MAN1A1: variants seen among roughly 807,000 people sequenced by gnomAD.
MAN1A1 encodes the protein mannosidase alpha class 1A member 1.
Under a neutral mutation model 70.8 loss-of-function variants are expected in MAN1A1, and 29 were observed. That is an observed-to-expected ratio of 0.41 (90% confidence interval 0.31 to 0.56). The LOEUF is 0.56. Among genes scored for constraint, MAN1A1 ranks in the 20% least tolerant of loss-of-function variants. The pLI, the probability that MAN1A1 is intolerant of heterozygous loss-of-function variation, is 0.29. For synonymous variants in MAN1A1, 349 were observed against 330.1 expected (o/e 1.06, Z -0.62); for missense variants, 747 against 841.3 (o/e 0.89, Z 1.39).
intron 5 of MAN1A1, among the ~76,000 whole-genome samples, chr6:119,264,570 G>GT (rs1234783266): frequency 6.6e-5 from 10 of 152,108 alleles, no homozygotes; most frequent in Non-Finnish European, 1.2e-4. Context: ...GCATAATTTT[G>GT]TTTTTTATGT....
intron 6 of MAN1A1, among the ~76,000 whole-genome samples, chr6:119,238,132 T>C (rs1383271926): frequency 2.6e-5 from 4 of 152,180 alleles, no homozygotes; most frequent in Non-Finnish European, 5.9e-5. Flanking sequence ...CATTTTTCAA[T>C]GTATAAAAAG....
At chr6:119,245,641 A>T (rs1775149987) in intron 6 of MAN1A1, among the ~76,000 whole-genome samples, 1 of 152,206 alleles carries the variant, frequency 6.6e-6, no homozygotes, top group Middle Eastern at 3.4e-3. Flanking sequence ...TTATTGTGTG[A>T]ATTTGGGTAA....
intron 12 of MAN1A1, among the ~76,000 whole-genome samples, 180 bp from the exon 13 acceptor site, chr6:119,180,125 A>G (rs3734383): frequency 0.17 from 26,378 of 152,142 alleles, 2,731 homozygotes; most frequent in East Asian, 0.3. Flanking sequence ...GCAGCTACTC[A>G]GTGCTTTGGT....
chr6:119,296,203 C>T (rs753575113), intron 4 of MAN1A1, among the ~76,000 whole-genome samples: 7 of 152,168 alleles, frequency 4.6e-5, no homozygotes, highest in Non-Finnish European at 8.8e-5. Context: ...TGACAAATCT[C>T]TTAAGACTGC....
intron 11 of MAN1A1, among the ~76,000 whole-genome samples, chr6:119,186,040 G>A (rs1773282781): frequency 6.6e-6 from 1 of 152,032 alleles, no homozygotes; most frequent in African/African-American, 2.4e-5. Context: ...GGCAGAACCT[G>A]CTGTCTTCGG....
At chr6:119,273,484 C>T (rs1775979008) in intron 5 of MAN1A1, among the ~76,000 whole-genome samples, 1 of 152,122 alleles carries the variant, frequency 6.6e-6, no homozygotes, top group African/African-American at 2.4e-5. Context: ...GTGAGCATTC[C>T]ATGATCTGCT....
intron 6 of MAN1A1, among the ~76,000 whole-genome samples, chr6:119,211,421 T>C (rs183450636): frequency 6.6e-6 from 1 of 152,362 alleles, no homozygotes; most frequent in East Asian, 1.9e-4. Context: ...CACGCACATG[T>C]TTTATCCCAA....
At chr6:119,266,665 G>C (rs1192550546) in intron 5 of MAN1A1, among the ~76,000 whole-genome samples, 1 of 152,008 alleles carries the variant, frequency 6.6e-6, no homozygotes, top group Non-Finnish European at 1.5e-5. Flanking sequence ...ATAAAATCTA[G>C]ATGACCCTGG....
At chr6:119,338,848 G>A (rs1412078107) in intron 2 of MAN1A1, among the ~76,000 whole-genome samples, 2 of 152,116 alleles carry the variant, frequency 1.3e-5, no homozygotes, top group East Asian at 3.9e-4. Context: ...GTGCAATCTA[G>A]GGGAAAAATT....
At chr6:119,337,071 T>C (rs1393031824) in intron 2 of MAN1A1, among the ~76,000 whole-genome samples, 1 of 152,260 alleles carries the variant, frequency 6.6e-6, no homozygotes, top group Non-Finnish European at 1.5e-5. Context: ...TTCAGCAGTG[T>C]TGTATTTGGT....
intron 5 of MAN1A1, among the ~76,000 whole-genome samples, chr6:119,262,772 ACCATGGAATACTACACAG>A: frequency 6.6e-6 from 1 of 152,320 alleles, no homozygotes; most frequent in South Asian, 2.1e-4. Flanking sequence ...TGGTACATAA[ACCATGGAATACTACACAG>A]CCATAAAAAA....
intron 5 of MAN1A1, among the ~76,000 whole-genome samples, chr6:119,276,080 A>C (rs1353746045): frequency 3.9e-5 from 6 of 152,244 alleles, no homozygotes; most frequent in Non-Finnish European, 2.9e-5. Context: ...AAAGGAAAGA[A>C]AGAAATGAAC....
intron 2 of MAN1A1, among the ~76,000 whole-genome samples, chr6:119,317,773 A>T (rs1362197740): frequency 6.6e-6 from 1 of 152,170 alleles, no homozygotes; most frequent in East Asian, 1.9e-4. Flanking sequence ...TATTTTCTTA[A>T]TTAAAGGATT....
At chr6:119,241,182 T>C (rs1025392337) in intron 6 of MAN1A1, among the ~76,000 whole-genome samples, 2 of 152,184 alleles carry the variant, frequency 1.3e-5, no homozygotes, top group Admixed American at 6.5e-5. Context: ...AAAAAGGACA[T>C]GCAAACTCTG....
intron 2 of MAN1A1, among the ~76,000 whole-genome samples, chr6:119,345,536 T>C (rs761325025): frequency 1.8e-4 from 27 of 152,214 alleles, no homozygotes; most frequent in Non-Finnish European, 3.1e-4. Flanking sequence ...TTAACATTTT[T>C]TGTGAAGCAT....
At chr6:119,229,846 T>C (rs2114277813) in intron 6 of MAN1A1, among the ~76,000 whole-genome samples, 1 of 152,354 alleles carries the variant, frequency 6.6e-6, no homozygotes, top group South Asian at 2.1e-4. Context: ...GTAGCAATTG[T>C]GAACCTGAAC....
chr6:119,338,252 C>G (rs1315649388), intron 2 of MAN1A1, among the ~76,000 whole-genome samples: 1 of 151,692 alleles, frequency 6.6e-6, no homozygotes, highest in Non-Finnish European at 1.5e-5. Context: ...GAACCAAGGT[C>G]AGAATATAAA....
intron 6 of MAN1A1, among the ~76,000 whole-genome samples, chr6:119,241,601 A>G (rs2114307642): frequency 6.6e-6 from 1 of 152,336 alleles, no homozygotes; most frequent in South Asian, 2.1e-4. Flanking sequence ...CTAAAGTTTG[A>G]GAAGCACTGT....
At chr6:119,247,634 A>ATGTG (rs149697960) in intron 6 of MAN1A1, among the ~76,000 whole-genome samples, 2 of 151,388 alleles carry the variant, frequency 1.3e-5, no homozygotes, top group Non-Finnish European at 2.9e-5. Flanking sequence ...TCAGCCTGGG[A>ATGTG]TGTGTGTGTG....
Sources: allele counts gnomAD v4.1 joint callset (sites outside exome capture counted in the v4.1 genomes callset), GRCh38; gene constraint gnomAD v4.1.1; transcripts MANE v1.5; gene names NCBI Gene and HGNC (gene_info 2026-07-23, HGNC 2026-07-21).